TUSC3: variants seen among roughly 807,000 people sequenced by gnomAD.
TUSC3 encodes the protein tumor suppressor candidate 3, also known as dolichyl-diphosphooligosaccharide--protein glycosyltransferase subunit TUSC3.
A neutral mutation model predicts 44.8 loss-of-function variants in TUSC3; 45 were observed. That is an observed-to-expected ratio of 1.00 (90% CI 0.79 to 1.29). The LOEUF is 1.29. Among genes scored for constraint, TUSC3 ranks in the 50% most tolerant of loss-of-function variants. The probability of loss-of-function intolerance (pLI) is 0.00; values close to 1 mark genes in which losing one functional copy is unlikely to be tolerated. For missense variants in TUSC3, 519 were observed against 437.9 expected, an observed-to-expected ratio of 1.19 and a Z score of -1.65; for synonymous variants, 212 against 152.9, an observed-to-expected ratio of 1.39 and a Z score of -2.85.
At chr8:15,737,701 A>T (rs999883690) in intron 7 of TUSC3, among the ~76,000 whole-genome samples, 2 of 152,128 alleles carry the variant, frequency 1.3e-5, no homozygotes, top group Non-Finnish European at 2.9e-5. Flanking sequence ...ACACCCATCA[A>T]TTTAATGACC....
the TUSC3 span, among the ~76,000 whole-genome samples, chr8:15,795,934 C>T: frequency 1.2e-3 from 188 of 152,304 alleles, 1 homozygote; most frequent in African/African-American, 4.4e-3. Context: ...ACTCAAACAG[C>T]CACAGCGGAA....
intron 1 of TUSC3, among the ~76,000 whole-genome samples, chr8:15,570,300 ACACT>A (rs749627246): frequency 3.4e-5 from 5 of 146,118 alleles, no homozygotes; most frequent in Non-Finnish European, 7.6e-5. Flanking sequence ...ACACACACAC[ACACT>A]CTTACTGAAA....
chr8:15,786,500 A>G, the TUSC3 span, among the ~76,000 whole-genome samples: 2 of 152,238 alleles, frequency 1.3e-5, no homozygotes, highest in Non-Finnish European at 2.9e-5. Context: ...AGGATTTTCA[A>G]TAGCAATCAT....
chr8:15,852,072 C>G, the TUSC3 span, among the ~76,000 whole-genome samples: 1 of 152,136 alleles, frequency 6.6e-6, no homozygotes, highest in Non-Finnish European at 1.5e-5. Flanking sequence ...GTCCATTAAA[C>G]CTCTTTTTCG....
Position 15,590,080 on chromosome 8 carries a change from A to T in TUSC3, c.139-33000A>T, listed in dbSNP as rs549365703. Among the ~76,000 whole-genome samples, 4 of 152,260 alleles carry T rather than the reference A, an allele frequency of 2.6e-5. No individual in the cohort carries two copies. In the South Asian group the frequency reaches 8.3e-4, roughly 32 times the overall value. On this transcript the variant is annotated intron_variant, in intron 1 of 10. Coordinates refer to ENST00000503731, the MANE Select transcript of TUSC3 (RefSeq NM_006765.4). The stretch of plus-strand genomic sequence containing the variant: ...ATTAATATTCTGTTAAAAGCATCTG[A>T]CTTAGTATTTAGGAGGTCACAAATT...
chr8:15,423,980 T>TTTG (rs1563247211), intron 1 of TUSC3, among the ~76,000 whole-genome samples: 5 of 57,438 alleles, frequency 8.7e-5, no homozygotes, highest in South Asian at 5.3e-4. Flanking sequence ...TTTTTTTTTT[T>TTTG]TTTTTTTTTT....
intron 2 of TUSC3, among the ~76,000 whole-genome samples, chr8:15,504,414 C>G (rs1801015958): frequency 6.6e-6 from 1 of 151,542 alleles, no homozygotes; most frequent in East Asian, 1.9e-4. Context: ...AAACACCCAA[C>G]AAGGGAAAGT....
intron 5 of TUSC3, among the ~76,000 whole-genome samples, chr8:15,672,893 A>G (rs1334004030): frequency 1.3e-5 from 2 of 152,034 alleles, no homozygotes; most frequent in South Asian, 2.1e-4. Flanking sequence ...TTTGGTACAA[A>G]TGCCTATCAG....
In TUSC3 at chr8:15,754,179, G is replaced by A. The variant is rs554616639; in HGVS notation, c.1029-3612G>A. On this transcript the variant is annotated intron_variant, in intron 9 of 10. Transcript: ENST00000503731. ...AGAATTATTCTAGAAAGAGGAAAAC[G>A]CACAACACATACTCCCGAAGGTATT... Among the ~76,000 whole-genome samples, 15 of 152,138 alleles carry A rather than the reference G, an allele frequency of 9.9e-5. 1 individual carries two copies. The South Asian group carries it at 2.5e-3, about 25-fold the overall frequency.
At chr8:15,671,860 G>A (rs770418198) in intron 5 of TUSC3, among the ~76,000 whole-genome samples, 1 of 151,892 alleles carries the variant, frequency 6.6e-6, no homozygotes, top group Non-Finnish European at 1.5e-5. Flanking sequence ...TATGTCAGGG[G>A]ACATGTCACT....
chr8:15,786,017 C>G, the TUSC3 span, among the ~76,000 whole-genome samples: 2 of 152,146 alleles, frequency 1.3e-5, no homozygotes, highest in Admixed American at 6.5e-5. Flanking sequence ...ATTCTTTATA[C>G]ATTCTTGAGA....
chr8:15,713,448 C>G (rs2129200735), intron 6 of TUSC3, among the ~76,000 whole-genome samples: 1 of 152,264 alleles, frequency 6.6e-6, no homozygotes, highest in African/African-American at 2.4e-5. Flanking sequence ...ATTAAAAGAT[C>G]TTAAGAAAAC....
the TUSC3 span, among the ~76,000 whole-genome samples, chr8:15,822,165 A>G: frequency 7.1e-3 from 1,074 of 151,202 alleles, 13 homozygotes; most frequent in African/African-American, 0.025. Flanking sequence ...ATTAACTGAA[A>G]TTGAAAACGC....
chr8:15,482,182 A>G (rs969207280), intron 1 of TUSC3, among the ~76,000 whole-genome samples: 2 of 152,174 alleles, frequency 1.3e-5, no homozygotes, highest in Non-Finnish European at 2.9e-5. Flanking sequence ...CAACTCAGTC[A>G]CATCTCAGGC....
intron 6 of TUSC3, among the ~76,000 whole-genome samples, chr8:15,718,409 T>C (rs977248204): frequency 1.3e-5 from 2 of 152,124 alleles, no homozygotes; most frequent in Non-Finnish European, 2.9e-5. Flanking sequence ...TTTGTTTGCA[T>C]GGAGAATATT....
At position 15,749,655 on chromosome 8, in the gene TUSC3, T is replaced by C. The variant is rs556088243; in HGVS notation, c.1028+1190T>C. 1.3e-3 allele frequency among the ~76,000 whole-genome samples: 192 copies of C among 151,778 alleles called. 2 individuals are homozygous for C. Among genetic ancestry groups the C allele is most frequent in the Non-Finnish European group, 2.1e-3 (140 of 67,946 alleles). On this transcript the variant is annotated intron_variant, in intron 9 of 10. Coordinates refer to ENST00000503731, the MANE Select transcript of TUSC3 (RefSeq NM_006765.4). ...AGGTTTTTCATTTTACTCTTGACTT[T>C]AGAGAGCCAGCCAATTTTGGTTTTG...
intron 1 of TUSC3, among the ~76,000 whole-genome samples, chr8:15,561,364 C>G (rs1156344612): frequency 1.4e-5 from 2 of 143,482 alleles, no homozygotes; most frequent in African/African-American, 5.1e-5. Context: ...TGCCAGTTCT[C>G]AGATCTCCAG....
At chr8:15,739,976 G>C (rs1239012934) in intron 7 of TUSC3, among the ~76,000 whole-genome samples, 1 of 152,198 alleles carries the variant, frequency 6.6e-6, no homozygotes, top group Non-Finnish European at 1.5e-5. Flanking sequence ...GGGTAAGATA[G>C]TGAATAAAAC....
intron 1 of TUSC3, among the ~76,000 whole-genome samples, chr8:15,446,782 C>G (rs140755381): frequency 0.012 from 1,751 of 148,118 alleles, 39 homozygotes; most frequent in African/African-American, 0.042. Context: ...TTTTTTAACT[C>G]TTTAAGAATA....
Sources: gnomAD v4.1 joint callset for allele counts (sites outside exome capture counted in the v4.1 genomes callset) on GRCh38, gnomAD v4.1.1 for gene constraint, MANE v1.5 for transcripts, NCBI Gene and HGNC (gene_info 2026-07-23, HGNC 2026-07-21) for gene names.